Variants in COIL observed in about 807,000 individuals in gnomAD.
The protein encoded by COIL is coilin p80.
In COIL, 28 loss-of-function variants were observed where a neutral mutation model predicts 51.6. The observed-to-expected ratio is 0.54, with a 90% CI of 0.40 to 0.74. The LOEUF (loss-of-function observed/expected upper bound fraction) is 0.74, where lower values mean the gene tolerates loss of function less well. COIL is among the 30% of genes least tolerant of loss of function. The pLI is 0.00. For synonymous variants in COIL, 233 were observed against 255.8 expected, an observed-to-expected ratio of 0.91 and a Z score of 0.85; for missense variants, 667 against 685.9, an observed-to-expected ratio of 0.97 and a Z score of 0.31.
intron 1 of COIL, among the ~76,000 whole-genome samples, chr17:56,959,784 G>A (rs547469814): frequency 6.6e-6 from 1 of 152,396 alleles, no homozygotes; most frequent in South Asian, 2.1e-4. Context: ...GCACGCAACA[G>A]AGTCGCACAG....
chr17:56,943,838 T>C (rs75044877), intron 5 of COIL, among the ~76,000 whole-genome samples: 3,676 of 152,206 alleles, frequency 0.024, 157 homozygotes, highest in African/African-American at 0.084. Context: ...ACAAGTGACA[T>C]TGCTATTAGA....
intron 1 of COIL, among the ~76,000 whole-genome samples, chr17:56,959,120 G>A (rs1050559518): frequency 1.3e-4 from 20 of 152,052 alleles, no homozygotes; most frequent in Admixed American, 3.9e-4. Flanking sequence ...TGAGGTGAGA[G>A]GACAGCTTGA....
chr17:56,960,756 C>T lies in COIL; in HGVS notation c.245+19G>A. 3 of 1,533,768 alleles carry T rather than the reference C, an allele frequency of 2.0e-6. No homozygotes were observed. The highest frequency in any genetic ancestry group is 2.6e-6 in the Non-Finnish European group (3 of 1,141,898). On this transcript the variant is annotated intron_variant, in intron 1 of 6. Coordinates refer to ENST00000240316, the MANE Select transcript of COIL (RefSeq NM_004645.3). The stretch of plus-strand genomic sequence containing the variant: ...CCGCCCGCCGCCCACCCGGCCGTCC[C>T]GCTCCCTGCGCCGCGCACCTGAGGC...
rs34456085 is a variant in COIL, at chr17:56,959,429, G to A, written c.245+1346C>T. Among the ~76,000 whole-genome samples the A allele has an allele frequency of 3.9e-3, 587 of 152,208 alleles. 3 individuals are homozygous for A. Among genetic ancestry groups the A allele is most frequent in the Non-Finnish European group, 7.1e-3 (486 of 68,006 alleles). On this transcript the variant is annotated intron_variant, in intron 1 of 6. Coordinates refer to ENST00000240316, the MANE Select transcript of COIL (RefSeq NM_004645.3). ...TGATCAGATACCATCATCTTACTGT[G>A]GCAACTCAACCACATTTCAGCAATT...
At chr17:56,951,623 G>C (rs768763781) in intron 1 of COIL, 1 of 152,640 alleles carries the variant, frequency 6.6e-6, no homozygotes, top group African/African-American at 2.4e-5. Context: ...TGGACGTCCA[G>C]ATATCTGGTT....
chr17:56,944,227 C>G (rs1031973422), intron 5 of COIL, among the ~76,000 whole-genome samples: 3 of 152,106 alleles, frequency 2.0e-5, no homozygotes, highest in Admixed American at 2.0e-4. Flanking sequence ...CAGAATTTGA[C>G]AGTGGACAAA....
intron 1 of COIL, among the ~76,000 whole-genome samples, chr17:56,960,499 G>C (rs1292457107): frequency 6.6e-6 from 1 of 151,412 alleles, no homozygotes; most frequent in African/African-American, 2.4e-5. Context: ...ACTCCAGCCT[G>C]GGTGACAAAG....
chr17:56,944,874 G>T (rs573031282), intron 5 of COIL, among the ~76,000 whole-genome samples: 2 of 151,298 alleles, frequency 1.3e-5, no homozygotes, highest in South Asian at 4.2e-4. Flanking sequence ...AAAATTAGCC[G>T]GGCATGGCGG....
Position 56,960,841 on chromosome 17 carries a change from T to C in COIL, c.179A>G (p.Tyr60Cys). 6.2e-7 allele frequency: 1 copy of C among 1,605,732 alleles called. No individual in the cohort carries two copies. The highest frequency in any genetic ancestry group is 8.5e-7 in the Non-Finnish European group (1 of 1,176,698). Residue 60 changes from tyrosine to cysteine, a missense_variant, in exon 1 of 7, where the codon TAC becomes TGC. Transcript: ENST00000240316. The stretch of plus-strand genomic sequence containing the variant: ...GGGGGGCAAGAGCCCCCCCTCCAGG[T>C]AGAGGCCTAGGAAGGCCCCAGAACT... ...GFSSGAFLGL[Y>C]LEGGLLPPAE...
Position 56,939,162 on chromosome 17 carries a change from A to C in COIL, c.1648-8T>G, listed in dbSNP as rs1277098500. ...TTTCCAAAATACAGTGATCTGAGGA[A>C]AAAGACAAAATACCCAGTTTAGGCA... On this transcript the variant is annotated splice_polypyrimidine_tract_variant and splice_region_variant and intron_variant, in intron 6 of 6. Coordinates refer to ENST00000240316, the MANE Select transcript of COIL (RefSeq NM_004645.3). 1 of 1,518,844 alleles carries C rather than the reference A, an allele frequency of 6.6e-7. No homozygotes were observed. The highest frequency in any genetic ancestry group is 1.4e-5 in the African/African-American group (1 of 72,988). The allele number at this position is 1,518,844 out of a possible 1,614,324, so 94.1% of individuals were successfully genotyped here. A position where few individuals can be genotyped will look rare whatever the true frequency, so the allele number is the denominator to read the frequency against.
At chr17:56,941,910 T>C (rs1910155922) in intron 6 of COIL, 125 bp downstream of exon 6, 2 of 751,740 alleles carry the variant, frequency 2.7e-6, no homozygotes, top group Admixed American at 4.5e-5. Context: ...GGCACTGGTA[T>C]TGCCACACCA....
At chr17:56,941,564 T>C (rs1474146706) in intron 6 of COIL, among the ~76,000 whole-genome samples, 1 of 152,086 alleles carries the variant, frequency 6.6e-6, no homozygotes, top group African/African-American at 2.4e-5. Context: ...AGTGAGACTC[T>C]CTCAAAAAAA....
chr17:56,953,207 C>A lies in COIL; in HGVS notation c.246-2211G>T, dbSNP rs375906342. On this transcript the variant is annotated intron_variant, in intron 1 of 6. Transcript: ENST00000240316. The stretch of plus-strand genomic sequence containing the variant: ...TGGGTGGATCACAAGGTCAGGAGAT[C>A]GAGACCATCCTGGCTAACACAGTGA... Among the ~76,000 whole-genome samples, 4 of 151,818 alleles carry A rather than the reference C, an allele frequency of 2.6e-5. No homozygotes were observed. The South Asian group carries it at 8.4e-4, about 32-fold the overall frequency.
intron 4 of COIL, among the ~76,000 whole-genome samples, chr17:56,947,770 C>G (rs1910278074): frequency 6.6e-6 from 1 of 152,144 alleles, no homozygotes. Context: ...TGTGCCTGGC[C>G]ATTAATAAGC....
intron 5 of COIL, among the ~76,000 whole-genome samples, chr17:56,944,802 G>A (rs1452648266): frequency 6.6e-6 from 1 of 152,008 alleles, no homozygotes; most frequent in Non-Finnish European, 1.5e-5. Flanking sequence ...TGGATCACGA[G>A]GTCAGGAGAT....
intron 5 of COIL, among the ~76,000 whole-genome samples, chr17:56,942,363 T>G (rs1413415807): frequency 1.3e-5 from 2 of 152,166 alleles, no homozygotes; most frequent in African/African-American, 4.8e-5. Flanking sequence ...ATAAGCTTGA[T>G]GAACTGTCAT....
chr17:56,944,152 A>G (rs2144392973), intron 5 of COIL, among the ~76,000 whole-genome samples: 2 of 152,288 alleles, frequency 1.3e-5, no homozygotes, highest in Middle Eastern at 3.4e-3. Flanking sequence ...GCCCTAAAGA[A>G]GAAAAGTTCT....
Position 56,960,821 on chromosome 17 carries a change from G to T in COIL, c.199C>A (p.Pro67Thr). 1 of 1,592,564 alleles carries T rather than the reference G, an allele frequency of 6.3e-7. No homozygotes were observed. The highest frequency in any genetic ancestry group is 8.5e-7 in the Non-Finnish European group (1 of 1,171,426). ...LGLYLEGGLLPPAESARLVRD... is the reference protein window; with the variant it reads ...LGLYLEGGLLTPAESARLVRD... ...ACAAGGCGCGCGCTCTCGGCGGGGG[G>T]CAAGAGCCCCCCCTCCAGGTAGAGG... The change falls in exon 1 of 7, where the codon CCC becomes ACC. Residue 67 changes from proline (P) to threonine (T), a missense_variant. Physicochemically the swap from Pro to Thr is conservative, Grantham distance 38 (BLOSUM62 -1). Coordinates refer to ENST00000240316, the MANE Select transcript of COIL (RefSeq NM_004645.3).
In COIL at chr17:56,947,573, T is replaced by C. The variant is rs576313178; in HGVS notation, c.1489-1062A>G. On this transcript the variant is annotated intron_variant, in intron 4 of 6. Coordinates refer to ENST00000240316, the MANE Select transcript of COIL (RefSeq NM_004645.3). ...GCAACCCCCACCTACTGCGTTCAAG[T>C]GATTCTTGTGCCTCAGTCTCCTGAG... Among the ~76,000 whole-genome samples the C allele has an allele frequency of 1.2e-4, 18 of 152,174 alleles. No individual in the cohort carries two copies. In the South Asian group the frequency reaches 3.3e-3, roughly 28 times the overall value.
Sources: allele counts gnomAD v4.1 joint callset (sites outside exome capture counted in the v4.1 genomes callset), GRCh38; gene constraint gnomAD v4.1.1; transcripts MANE v1.5; gene names NCBI Gene and HGNC (gene_info 2026-07-23, HGNC 2026-07-21).